The following ZNF713 variants were observed in gnomAD, a reference collection of about 807,000 sequenced individuals.
ZNF713 encodes zinc finger protein 713.
In ZNF713, 21 loss-of-function variants were observed where a neutral mutation model predicts 28.7. The observed-to-expected ratio is 0.73, with a 90% CI of 0.52 to 1.05. ZNF713 has a LOEUF of 1.05. Among genes scored for constraint, ZNF713 ranks in the 50% least tolerant of loss-of-function variants. The pLI is 0.00. For synonymous variants in ZNF713, 167 were observed against 178.0 expected (o/e 0.94, Z 0.49); for missense variants, 458 against 532.4 (o/e 0.86, Z 1.37).
chr7:55,914,638 G>C (rs1234586902), intron 4 of ZNF713, among the ~76,000 whole-genome samples: 1 of 152,202 alleles, frequency 6.6e-6, no homozygotes, highest in East Asian at 1.9e-4. Flanking sequence ...GATGAGGGAA[G>C]ACTTCATGAA....
chr7:55,914,702 A>C (rs1785848840), intron 4 of ZNF713, among the ~76,000 whole-genome samples: 2 of 152,202 alleles, frequency 1.3e-5, no homozygotes, highest in Non-Finnish European at 2.9e-5. Flanking sequence ...TGGAGATTAG[A>C]GAAAACGGGG....
intron 1 of ZNF713, among the ~76,000 whole-genome samples, chr7:55,902,993 CAAAAAAAAA>C (rs35706402): frequency 5.0e-5 from 4 of 80,752 alleles, no homozygotes; most frequent in African/African-American, 2.1e-4. Flanking sequence ...AACTCCGTCT[CAAAAAAAAA>C]AAAAAAAAAA....
intron 1 of ZNF713, among the ~76,000 whole-genome samples, chr7:55,887,964 G>T (rs1484685010): frequency 1.3e-5 from 2 of 149,900 alleles, no homozygotes; most frequent in Non-Finnish European, 3.0e-5. Context: ...CCTGTCACCC[G>T]CCCCGTGTCC....
intron 6 of ZNF713, among the ~76,000 whole-genome samples, chr7:55,927,535 G>T (rs1433268649): frequency 1.3e-5 from 2 of 151,674 alleles, no homozygotes; most frequent in African/African-American, 4.8e-5. Context: ...AAAAGCAAAA[G>T]AATTGTTCTA....
intron 6 of ZNF713, 69 bp downstream of exon 6, chr7:55,923,768 G>A (rs1786044476): frequency 8.0e-7 from 1 of 1,246,386 alleles, no homozygotes; most frequent in Non-Finnish European, 1.2e-6. Context: ...ACTCAGTGGA[G>A]TGTTCCAAAA....
Position 55,939,144 on chromosome 7 carries a change from A to G in ZNF713, c.470A>G (p.Gln157Arg), listed in dbSNP as rs1786412841. ...TTTGATTACCATCCAGAGTTTAACCAAGAAAACCACAAGAGATATTTAGGA... is the reference window on the plus strand; with the variant it reads ...TTTGATTACCATCCAGAGTTTAACCGAGAAAACCACAAGAGATATTTAGGA... ...WDFDYHPEFN[Q>R]ENHKRYLGQV... The change falls in exon 7 of 7, where the codon CAA becomes CGA. Residue 157 changes from glutamine (Q) to arginine (R), a missense_variant. Gln to Arg is a conservative substitution (Grantham distance 43). Transcript: ENST00000429591. 1 of 1,613,982 alleles carries G rather than the reference A, an allele frequency of 6.2e-7. No individual in the cohort carries two copies.
At chr7:55,892,465 G>A (rs1312884426) in intron 1 of ZNF713, among the ~76,000 whole-genome samples, 1 of 142,818 alleles carries the variant, frequency 7.0e-6, no homozygotes, top group Admixed American at 7.3e-5. Context: ...ACAAAACACA[G>A]GTTAACAAGA....
chr7:55,925,172 C>T (rs1235936103), intron 6 of ZNF713, among the ~76,000 whole-genome samples: 2 of 152,102 alleles, frequency 1.3e-5, no homozygotes, highest in Non-Finnish European at 2.9e-5. Context: ...GTGAACCTAC[C>T]CCATCTCTGT....
intron 6 of ZNF713, among the ~76,000 whole-genome samples, chr7:55,932,000 A>G (rs1786219504): frequency 6.6e-6 from 1 of 152,240 alleles, no homozygotes; most frequent in Non-Finnish European, 1.5e-5. Flanking sequence ...CTCTGGAGTC[A>G]AAGTCCACGT....
intron 1 of ZNF713, among the ~76,000 whole-genome samples, 185 bp downstream of exon 1, chr7:55,887,865 C>A (rs1323846914): frequency 0.12 from 1,055 of 8,768 alleles, 347 homozygotes; most frequent in African/African-American, 0.49. Context: ...GGGCGGCGGG[C>A]GGCGGCGGCG....
At chr7:55,922,348 G>A (rs1214327248) in intron 4 of ZNF713, among the ~76,000 whole-genome samples, 1 of 150,964 alleles carries the variant, frequency 6.6e-6, no homozygotes, top group Non-Finnish European at 1.5e-5. Flanking sequence ...AGACCATCCT[G>A]GTCAACCAAC....
chr7:55,894,196 C>T (rs1220927864), intron 1 of ZNF713, among the ~76,000 whole-genome samples: 2 of 152,170 alleles, frequency 1.3e-5, no homozygotes, highest in African/African-American at 2.4e-5. Flanking sequence ...TGGCCTCAGG[C>T]AAACAAAGAC....
intron 1 of ZNF713, among the ~76,000 whole-genome samples, chr7:55,899,154 C>T (rs569711710): frequency 3.5e-4 from 52 of 150,150 alleles, no homozygotes; most frequent in African/African-American, 1.2e-3. Flanking sequence ...GAGATGGAGA[C>T]CATCCTGGCT....
Position 55,912,904 on chromosome 7 carries a change from C to G in ZNF713, c.87+181C>G, listed in dbSNP as rs138200048. Among the ~76,000 whole-genome samples, 5 of 152,318 alleles carry G rather than the reference C, an allele frequency of 3.3e-5. No individual in the cohort carries two copies. In the East Asian group the frequency reaches 9.6e-4, roughly 29 times the overall value. On this transcript the variant is annotated intron_variant, in intron 4 of 6. Transcript: ENST00000429591. ...CCTATGTAGCTCTTTCTAGCTCTTC[C>G]CTCCTTCCAGCATTTTCACCAGACT...
chr7:55,931,928 C>A (rs1478249084), intron 6 of ZNF713, among the ~76,000 whole-genome samples: 1 of 152,150 alleles, frequency 6.6e-6, no homozygotes. Flanking sequence ...CCACAGGCTG[C>A]AGATTCAGTG....
chr7:55,899,739 C>A (rs1394104194), intron 1 of ZNF713, among the ~76,000 whole-genome samples: 2 of 151,586 alleles, frequency 1.3e-5, no homozygotes, highest in South Asian at 4.2e-4. Context: ...AGTATATATT[C>A]TTTTTTTGTT....
intron 4 of ZNF713, among the ~76,000 whole-genome samples, chr7:55,913,758 A>G (rs909744785): frequency 6.6e-5 from 10 of 152,172 alleles, no homozygotes; most frequent in African/African-American, 2.4e-4. Context: ...AAACTGCTTC[A>G]TGAAACAGAA....
chr7:55,897,253 T>C (rs1785489947), intron 1 of ZNF713, among the ~76,000 whole-genome samples: 1 of 151,636 alleles, frequency 6.6e-6, no homozygotes, highest in Non-Finnish European at 1.5e-5. Flanking sequence ...TCTTTCTTTT[T>C]TTTTTTTCTT....
In ZNF713 at chr7:55,923,712, T is replaced by C. The variant is rs757637707; in HGVS notation, c.307+13T>C. The C allele has an allele frequency of 1.6e-5, 25 of 1,597,530 alleles. No individual in the cohort carries two copies. Among genetic ancestry groups the C allele is most frequent in the Non-Finnish European group, 2.1e-5 (24 of 1,167,080 alleles). ...GATACTCATCCAGGTAAGTGCACACTCTTGGGCACTGCTACTTAATGAGGG... is the reference window on the plus strand; with the variant it reads ...GATACTCATCCAGGTAAGTGCACACCCTTGGGCACTGCTACTTAATGAGGG... On this transcript the variant is annotated intron_variant, in intron 6 of 6. Transcript: ENST00000429591.
Sources: gnomAD v4.1 joint callset for allele counts (sites outside exome capture counted in the v4.1 genomes callset) on GRCh38, gnomAD v4.1.1 for gene constraint, MANE v1.5 for transcripts, NCBI Gene and HGNC (gene_info 2026-07-23, HGNC 2026-07-21) for gene names.